The following DHRSX variants were observed in gnomAD, a reference collection of about 807,000 sequenced individuals.
DHRSX encodes dehydrogenase/reductase X-linked, also known as polyprenol dehydrogenase.
A neutral mutation model predicts 34.0 loss-of-function variants in DHRSX; 31 were observed. That is an observed-to-expected ratio of 0.91 (90% CI 0.69 to 1.23). The LOEUF is 1.23. DHRSX is among the 50% of genes most tolerant of loss of function. The pLI is 0.00. For missense variants in DHRSX, 414 were observed against 428.1 expected, an observed-to-expected ratio of 0.97 and a Z score of 0.29; for synonymous variants, 201 against 183.8, an observed-to-expected ratio of 1.09 and a Z score of -0.76.
At chrX:2,246,897 G>A (rs2016310781) in intron 5 of DHRSX, among the ~76,000 whole-genome samples, 1 of 152,046 alleles carries the variant, frequency 6.6e-6, no homozygotes, top group African/African-American at 2.4e-5. Context: ...AATACAGAAA[G>A]AAAACAGTAT....
At chrX:2,377,951 G>T (rs1268535730) in intron 3 of DHRSX, among the ~76,000 whole-genome samples, 1 of 152,112 alleles carries the variant, frequency 6.6e-6, no homozygotes, top group Non-Finnish European at 1.5e-5. Flanking sequence ...TGTTGGCCAG[G>T]ATGGCCTCGA....
At chrX:2,266,142 T>G (rs1461470142) in intron 5 of DHRSX, among the ~76,000 whole-genome samples, 5 of 141,100 alleles carry the variant, frequency 3.5e-5, no homozygotes. Context: ...GGGAGCACTG[T>G]ACCCAGAGCA....
chrX:2,306,382 C>T (rs1213000044), intron 3 of DHRSX, among the ~76,000 whole-genome samples: 1 of 152,012 alleles, frequency 6.6e-6, no homozygotes, highest in Non-Finnish European at 1.5e-5. Flanking sequence ...ACTTGAACTT[C>T]ACCCCTGACA....
chrX:2,320,442 G>T (rs753887029), intron 3 of DHRSX, among the ~76,000 whole-genome samples: 1 of 131,164 alleles, frequency 7.6e-6, no homozygotes, highest in Non-Finnish European at 1.6e-5. Flanking sequence ...TTACAGACAC[G>T]CACCACTACA....
At chrX:2,296,549 C>T (rs1260140319) in intron 3 of DHRSX, among the ~76,000 whole-genome samples, 22 of 101,460 alleles carry the variant, frequency 2.2e-4, no homozygotes, top group African/African-American at 9.4e-4. Flanking sequence ...CAGATAGACC[C>T]CAGGCAGATA....
At chrX:2,329,313 G>T (rs1222687256) in intron 3 of DHRSX, among the ~76,000 whole-genome samples, 1 of 152,094 alleles carries the variant, frequency 6.6e-6, no homozygotes, top group Admixed American at 6.6e-5. Context: ...TTCAAAAGAG[G>T]TTCTACTGAG....
intron 3 of DHRSX, among the ~76,000 whole-genome samples, chrX:2,393,618 C>A (rs112979734): frequency 1.4e-4 from 12 of 85,362 alleles, no homozygotes; most frequent in Middle Eastern, 6.3e-3. Flanking sequence ...CAGGGACCTC[C>A]CCGTCTCCTG....
rs1404163777 is a variant in DHRSX, at chrX:2,249,312, C to T, written c.597-6082G>A. ...GGTTCACACCATTCTCCTGCCTTAA[C>T]CTCCTGAGTAGCTGGGACTACAGGC... On this transcript the variant is annotated intron_variant, in intron 5 of 6. Transcript: ENST00000334651. 4.0e-5 allele frequency among the ~76,000 whole-genome samples: 6 copies of T among 149,634 alleles called. No individual in the cohort carries two copies. The South Asian group carries it at 6.3e-4, about 16-fold the overall frequency.
intron 1 of DHRSX, among the ~76,000 whole-genome samples, chrX:2,465,214 C>A (rs1164560927): frequency 6.6e-6 from 1 of 152,084 alleles, no homozygotes; most frequent in African/African-American, 2.4e-5. Flanking sequence ...GGGTGTACCA[C>A]ACACTTCCTA....
chrX:2,298,618 A>ACACGTACGCACGCG (rs2041969532), intron 3 of DHRSX, among the ~76,000 whole-genome samples: 1 of 135,364 alleles, frequency 7.4e-6, no homozygotes, highest in African/African-American at 3.8e-5. Context: ...ACACACACAC[A>ACACGTACGCACGCG]CACACACACA....
At chrX:2,358,108 C>G (rs1344288491) in intron 3 of DHRSX, among the ~76,000 whole-genome samples, 1 of 152,128 alleles carries the variant, frequency 6.6e-6, no homozygotes, top group African/African-American at 2.4e-5. Context: ...AATTTAATTT[C>G]TGAAGTTACT....
chrX:2,304,620 G>A (rs1256994839), intron 3 of DHRSX, among the ~76,000 whole-genome samples: 2 of 152,028 alleles, frequency 1.3e-5, no homozygotes, highest in African/African-American at 4.8e-5. Flanking sequence ...CTGCACCTCT[G>A]TCTCTCCTTC....
chrX:2,471,785 A>G (rs1384863920), intron 1 of DHRSX, among the ~76,000 whole-genome samples: 1 of 152,122 alleles, frequency 6.6e-6, no homozygotes, highest in Non-Finnish European at 1.5e-5. Flanking sequence ...TCTCAAAACA[A>G]CGCCATGTAA....
intron 1 of DHRSX, among the ~76,000 whole-genome samples, chrX:2,469,623 G>C (rs771051799): frequency 6.6e-6 from 1 of 151,096 alleles, no homozygotes; most frequent in South Asian, 2.1e-4. Context: ...CACTGATGAC[G>C]TTGCCTAAGG....
chrX:2,476,350 A>G (rs1201230981), intron 1 of DHRSX, among the ~76,000 whole-genome samples: 1 of 151,484 alleles, frequency 6.6e-6, no homozygotes, highest in Non-Finnish European at 1.5e-5. Flanking sequence ...GTGAGCCAAG[A>G]TTGAGCCATT....
At chrX:2,369,519 CAG>C (rs1294836591) in intron 3 of DHRSX, among the ~76,000 whole-genome samples, 2 of 151,880 alleles carry the variant, frequency 1.3e-5, no homozygotes, top group Admixed American at 6.6e-5. Context: ...TTTTTGGAGA[CAG>C]AGTCTCGCCC....
chrX:2,237,365 T>C lies in DHRSX; in HGVS notation c.804+5658A>G, dbSNP rs1031478466. Among the ~76,000 whole-genome samples the C allele has an allele frequency of 2.0e-5, 3 of 152,070 alleles. No individual in the cohort carries two copies. The East Asian group carries it at 5.8e-4, about 29-fold the overall frequency. ...GCAATGATACGAGTGGTCTACTTCA[T>C]GGTGAAGTGGGCGCAGTCTACACTG... On this transcript the variant is annotated intron_variant, in intron 6 of 6. Transcript: ENST00000334651.
intron 3 of DHRSX, among the ~76,000 whole-genome samples, chrX:2,343,373 A>G (rs2042663691): frequency 1.3e-5 from 2 of 151,606 alleles, no homozygotes; most frequent in South Asian, 2.1e-4. Context: ...CACGCTTGAC[A>G]TAAGTGACTC....
intron 1 of DHRSX, among the ~76,000 whole-genome samples, chrX:2,493,625 C>T (rs1020710051): frequency 1.7e-4 from 25 of 151,252 alleles, no homozygotes; most frequent in East Asian, 1.4e-3. Flanking sequence ...ATTATTGTTA[C>T]GGTTGTTATT....
Sources: gnomAD v4.1 joint callset for allele counts (sites outside exome capture counted in the v4.1 genomes callset) on GRCh38, gnomAD v4.1.1 for gene constraint, MANE v1.5 for transcripts, NCBI Gene and HGNC (gene_info 2026-07-23, HGNC 2026-07-21) for gene names.